SP110: variants seen among roughly 807,000 people sequenced by gnomAD.
The protein encoded by SP110 is interferon-induced protein 41, 30kD.
In SP110, 62 loss-of-function variants were observed where a neutral mutation model predicts 92.7. That is an observed-to-expected ratio of 0.67 (90% CI 0.55 to 0.83). The LOEUF (loss-of-function observed/expected upper bound fraction) is 0.83. SP110 is among the 40% of genes least tolerant of loss of function. The pLI, the probability that SP110 is intolerant of heterozygous loss-of-function variation, is 0.00. For missense variants in SP110, 793 were observed against 863.9 expected (o/e 0.92, Z 1.03); for synonymous variants, 273 against 305.3 (o/e 0.89, Z 1.10).
At chr2:230,204,812 C>A (rs539400902) in intron 8 of SP110, among the ~76,000 whole-genome samples, 1 of 151,968 alleles carries the variant, frequency 6.6e-6, no homozygotes, top group Non-Finnish European at 1.5e-5. Context: ...TAAGTCAACA[C>A]GACTGATGAA....
intron 15 of SP110, chr2:230,172,447 C>T (rs114450683): frequency 5.5e-5 from 31 of 560,582 alleles, no homozygotes; most frequent in African/African-American, 5.1e-4. Flanking sequence ...CAAAGGAACC[C>T]TGCCTGCCAG....
At chr2:230,177,251 G>T (rs2041906179) in intron 14 of SP110, 1 of 444,304 alleles carries the variant, frequency 2.3e-6, no homozygotes, top group South Asian at 2.1e-5. Flanking sequence ...GCAGGCATCT[G>T]TCTTCAGCTA....
chr2:230,212,958 T>C lies in SP110; in HGVS notation c.386A>G (p.Glu129Gly), dbSNP rs140974206. The C allele has an allele frequency of 4.7e-5, 76 of 1,613,886 alleles. 2 individuals carry two copies. The highest frequency in any genetic ancestry group is 3.4e-4 in the South Asian group (31 of 91,078). Reference sequence around the variant, plus strand: ...CAGTGGGGTATGGAGGGAGCTTCCTTCTGCTAGGCCAGTTGGGGCTTCAAG... The same window carrying C: ...CAGTGGGGTATGGAGGGAGCTTCCTCCTGCTAGGCCAGTTGGGGCTTCAAG... ...ILLEAPTGLA[E>G]GSSLHTPLAL... Residue 129 changes from glutamate (E) to glycine (G), a missense_variant, in exon 4 of 19, where the codon GAA becomes GGA. Transcript: ENST00000258381.
intron 10 of SP110, among the ~76,000 whole-genome samples, chr2:230,190,167 C>G (rs980827516): frequency 1.3e-5 from 2 of 152,206 alleles, no homozygotes; most frequent in Non-Finnish European, 2.9e-5. Flanking sequence ...TACACTCCCA[C>G]CAACAGTGTA....
chr2:230,222,840 G>GT (rs35018428), upstream of SP110, among the ~76,000 whole-genome samples: 3,220 of 128,886 alleles, frequency 0.025, 51 homozygotes, highest in East Asian at 0.055. Context: ...GTGTATTAAA[G>GT]TTTTTTTTTT....
Position 230,188,351 on chromosome 2 carries a change from C to T in SP110, c.1130-2208G>A, listed in dbSNP as rs1415046207. The stretch of plus-strand genomic sequence containing the variant: ...GTACATTTGATTTTGTAACCTGAGA[C>T]TTTACTGGATTCATTTATCAAATCT... On this transcript the variant is annotated intron_variant, in intron 10 of 18. Transcript: ENST00000258381. Among the ~76,000 whole-genome samples the T allele has an allele frequency of 2.6e-5, 4 of 152,112 alleles. No homozygotes were observed. In the East Asian group the frequency reaches 7.7e-4, roughly 29 times the overall value.
chr2:230,204,198 G>A (rs1005796330), intron 8 of SP110, among the ~76,000 whole-genome samples: 1 of 152,196 alleles, frequency 6.6e-6, no homozygotes, highest in African/African-American at 2.4e-5. Context: ...ATGTCAAAAG[G>A]TCAGAGTTAC....
upstream of SP110, among the ~76,000 whole-genome samples, chr2:230,223,331 A>T (rs1251863614): frequency 6.6e-6 from 1 of 152,166 alleles, no homozygotes; most frequent in South Asian, 2.1e-4. Flanking sequence ...CACCATGCCC[A>T]GCCCAGTCTG....
rs1403216743 is a variant in SP110 at position 230,211,304 on chromosome 2, G to A, written c.751+166C>T. ...GGGACTCTGTATCCATTCAGAGGTC[G>A]GGTCTCCTGCCTGTTCAAGCTCCCA... On this transcript the variant is annotated intron_variant, in intron 6 of 18. Transcript: ENST00000258381. This position sits in a 1 kb window ranked among gnomAD's most constrained non-coding sequence, Gnocchi z 4.2. Among the ~76,000 whole-genome samples the A allele has an allele frequency of 6.6e-6, 1 of 152,130 alleles. No homozygotes were observed. The highest frequency in any genetic ancestry group is 2.4e-5 in the African/African-American group (1 of 41,412).
chr2:230,216,829 G>C lies in SP110; in HGVS notation c.99C>G (p.Phe33Leu). ...IAYAIHKPFP[F>L]FEGLLDNSII... ...TGGAGTTGTCTAGGAGGCCTTCAAA[G>C]AAGGGAAATGGCTTGTGTATGGCAT... Residue 33 changes from phenylalanine (F) to leucine (L), a missense_variant, in exon 2 of 19, where the codon TTC (phenylalanine) becomes TTG (leucine). Phe to Leu is a conservative substitution (Grantham distance 22). Transcript: ENST00000258381. 1.2e-6 allele frequency: 2 copies of C among 1,614,126 alleles called. No homozygotes were observed. The highest frequency in any genetic ancestry group is 2.2e-5 in the South Asian group (2 of 91,080).
intron 11 of SP110, among the ~76,000 whole-genome samples, chr2:230,185,355 G>A (rs905534837): frequency 2.6e-5 from 4 of 152,170 alleles, no homozygotes; most frequent in Admixed American, 1.3e-4. Context: ...CTGGAGAACC[G>A]TAATACAAGC....
At chr2:230,170,886 G>A (rs1272473035) in intron 17 of SP110, 125 bp from the exon 18 acceptor site, 1 of 952,976 alleles carries the variant, frequency 1.0e-6, no homozygotes, top group Non-Finnish European at 1.6e-6. Context: ...ACCTCTTTAA[G>A]CCAGCTATTG....
chr2:230,219,177 A>T (rs1218161839), intron 1 of SP110, among the ~76,000 whole-genome samples: 1 of 152,236 alleles, frequency 6.6e-6, no homozygotes, highest in African/African-American at 2.4e-5. Flanking sequence ...GTGATCTGAG[A>T]TGGTGCCATT....
chr2:230,202,921 C>A, intron 8 of SP110, 193 bp from the exon 9 acceptor site: 1 of 613,202 alleles, frequency 1.6e-6, no homozygotes, highest in African/African-American at 1.8e-5. Context: ...TTCTTTGCCT[C>A]CCCAAATTAC....
At chr2:230,209,239 G>C (rs963917968) in intron 7 of SP110, among the ~76,000 whole-genome samples, 2 of 152,190 alleles carry the variant, frequency 1.3e-5, no homozygotes, top group Admixed American at 6.5e-5. Context: ...CTTTGGGTAT[G>C]GGAGGCCAAG....
chr2:230,165,239 A>G lies in SP110; in HGVS notation c.*3885T>C, dbSNP rs1251999710. Among the ~76,000 whole-genome samples the G allele has an allele frequency of 6.6e-6, 1 of 152,242 alleles. No individual in the cohort carries two copies. Among genetic ancestry groups the G allele is most frequent in the Admixed American group, 6.5e-5 (1 of 15,292 alleles). ...ATATATTATGTTATTAATTTATGAA[A>G]ACAATAGAACACATTCTAAGATATG... On this transcript the variant is annotated 3_prime_UTR_variant, in exon 19 of 19. Transcript: ENST00000258381.
At chr2:230,204,513 G>C (rs2043542585) in intron 8 of SP110, among the ~76,000 whole-genome samples, 1 of 151,874 alleles carries the variant, frequency 6.6e-6, no homozygotes, top group Non-Finnish European at 1.5e-5. Flanking sequence ...TAATGTCTAT[G>C]ACCCCTTTTC....
At chr2:230,183,439 C>T (rs1281362180) in intron 12 of SP110, 133 bp downstream of exon 12, 2 of 761,718 alleles carry the variant, frequency 2.6e-6, no homozygotes. Context: ...CCCAATTCAG[C>T]TGGTACCCAT....
intron 8 of SP110, among the ~76,000 whole-genome samples, chr2:230,203,937 G>A (rs2043470613): frequency 6.6e-6 from 1 of 152,158 alleles, no homozygotes; most frequent in Non-Finnish European, 1.5e-5. Context: ...GCACAACATT[G>A]TGAATGTATT....
Sources: allele counts gnomAD v4.1 joint callset (sites outside exome capture counted in the v4.1 genomes callset), GRCh38; gene constraint gnomAD v4.1.1; non-coding constraint Gnocchi (gnomAD v3.1); transcripts MANE v1.5; gene names NCBI Gene and HGNC (gene_info 2026-07-23, HGNC 2026-07-21).